Variants in PDE4D observed in about 807,000 individuals in gnomAD.
PDE4D encodes 3',5'-cyclic-AMP phosphodiesterase 4D.
Under a neutral mutation model 87.4 loss-of-function variants are expected in PDE4D, and 24 were observed. The observed-to-expected ratio is 0.27, with a 90% CI of 0.20 to 0.39. PDE4D has a LOEUF of 0.39. Among genes scored for constraint, PDE4D ranks in the 10% least tolerant of loss-of-function variants. The pLI is 1.00. For missense variants in PDE4D, 714 were observed against 1,041.0 expected, an observed-to-expected ratio of 0.69 and a Z score of 4.32; for synonymous variants, 384 against 383.2, an observed-to-expected ratio of 1.00 and a Z score of -0.02.
intron 1 of PDE4D, among the ~76,000 whole-genome samples, chr5:59,459,377 G>A (rs996245396): frequency 6.6e-6 from 1 of 152,174 alleles, no homozygotes; most frequent in African/African-American, 2.4e-5. Context: ...AGTTCCAACA[G>A]TGCTTACCTG....
rs1024959478 is a variant in PDE4D, at chr5:59,730,763, T to C, written c.455+162405A>G. Among the ~76,000 whole-genome samples the C allele has an allele frequency of 3.4e-4, 52 of 152,174 alleles. 2 individuals are homozygous for C. Among genetic ancestry groups the C allele is most frequent in the Admixed American group, 1.3e-4 (2 of 15,260 alleles). ...GATCAATTATTGTAGTCATGTGCCA[T>C]ATAGACTTTGTGTGACTAACCCCAG... On this transcript the variant is annotated intron_variant, in intron 1 of 14. Coordinates refer to ENST00000340635, the MANE Select transcript of PDE4D (RefSeq NM_001104631.2).
intron 5 of PDE4D, among the ~76,000 whole-genome samples, chr5:59,069,087 G>T (rs1406274786): frequency 6.6e-6 from 1 of 152,190 alleles, no homozygotes; most frequent in Non-Finnish European, 1.5e-5. Context: ...ATGACAAACA[G>T]ATCAGTGCAG....
chr5:60,221,981 C>T (rs1301543187), intron 1 of PDE4D, among the ~76,000 whole-genome samples: 1 of 152,126 alleles, frequency 6.6e-6, no homozygotes, highest in Non-Finnish European at 1.5e-5. Context: ...ACTCCAAAAA[C>T]AGCATGCAAT....
At chr5:60,017,954 A>G (rs1765682250) in intron 2 of PDE4D, among the ~76,000 whole-genome samples, 1 of 152,158 alleles carries the variant, frequency 6.6e-6, no homozygotes, top group South Asian at 2.1e-4. Context: ...CCTCAACAGT[A>G]TCTGTTGTTT....
At chr5:60,464,830 G>A (rs1250845670) in intron 1 of PDE4D, among the ~76,000 whole-genome samples, 1 of 152,196 alleles carries the variant, frequency 6.6e-6, no homozygotes, top group Non-Finnish European at 1.5e-5. Context: ...GGCCAGGCAT[G>A]GCAGCTCACA....
At chr5:59,726,696 T>C (rs1434792491) in intron 1 of PDE4D, among the ~76,000 whole-genome samples, 1 of 152,162 alleles carries the variant, frequency 6.6e-6, no homozygotes, top group Non-Finnish European at 1.5e-5. Flanking sequence ...AATATCGTTT[T>C]AGTTATAAAT....
At chr5:59,532,073 G>A (rs1583010449) in intron 1 of PDE4D, among the ~76,000 whole-genome samples, 1 of 152,206 alleles carries the variant, frequency 6.6e-6, no homozygotes, top group East Asian at 1.9e-4. Flanking sequence ...ATTGGATTGG[G>A]CTAATGATGT....
chr5:59,267,871 T>C (rs1763105148), intron 1 of PDE4D, among the ~76,000 whole-genome samples: 1 of 152,006 alleles, frequency 6.6e-6, no homozygotes, highest in African/African-American at 2.4e-5. Flanking sequence ...AGTAGGGAAA[T>C]GGAAGGGCTT....
intron 1 of PDE4D, among the ~76,000 whole-genome samples, chr5:59,689,502 G>C (rs298077): frequency 0.79 from 119,743 of 152,076 alleles, 47,611 homozygotes; most frequent in African/African-American, 0.9. Context: ...CAGAAAAGGC[G>C]TTTGACAAAA....
intron 2 of PDE4D, among the ~76,000 whole-genome samples, chr5:60,051,647 C>T (rs1302131292): frequency 6.6e-6 from 1 of 151,978 alleles, no homozygotes; most frequent in Non-Finnish European, 1.5e-5. Context: ...CAAGAGCAAA[C>T]AAATTCAAAA....
chr5:59,794,229 C>T (rs1409851157), intron 1 of PDE4D, among the ~76,000 whole-genome samples: 1 of 152,008 alleles, frequency 6.6e-6, no homozygotes, highest in Non-Finnish European at 1.5e-5. Flanking sequence ...CTGCAGTTGG[C>T]TTCATCTTTA....
chr5:60,193,467 G>C, intron 1 of PDE4D, among the ~76,000 whole-genome samples: 1 of 151,856 alleles, frequency 6.6e-6, no homozygotes, highest in South Asian at 2.1e-4. Flanking sequence ...TCAGGAGATC[G>C]AGACCATCCT....
chr5:59,160,360 T>C (rs62357962), intron 5 of PDE4D, among the ~76,000 whole-genome samples: 9,414 of 152,224 alleles, frequency 0.062, 312 homozygotes, highest in South Asian at 0.068. Context: ...TAACTATCTC[T>C]TCCTTTTTAT....
intron 2 of PDE4D, among the ~76,000 whole-genome samples, chr5:60,179,180 G>C (rs779063995): frequency 2.6e-5 from 4 of 152,050 alleles, no homozygotes; most frequent in African/African-American, 4.8e-5. Flanking sequence ...TGTGTGTGGC[G>C]TATGACATAT....
intron 1 of PDE4D, among the ~76,000 whole-genome samples, chr5:59,347,122 A>T (rs566964181): frequency 6.6e-6 from 1 of 152,330 alleles, no homozygotes. Flanking sequence ...ATGGGAACAC[A>T]AATCTGATTC....
chr5:59,390,032 GT>G (rs1787923185), intron 1 of PDE4D, among the ~76,000 whole-genome samples: 1 of 152,042 alleles, frequency 6.6e-6, no homozygotes, highest in South Asian at 2.1e-4. Context: ...ATCGTTTGAG[GT>G]GATGGTTATC....
chr5:59,203,622 T>TACAC (rs145207501), intron 2 of PDE4D, among the ~76,000 whole-genome samples: 2,381 of 150,104 alleles, frequency 0.016, 30 homozygotes, highest in East Asian at 0.058. Context: ...GAAAATGTTA[T>TACAC]ATACACACAC....
chr5:60,139,437 T>C (rs1266972240), intron 2 of PDE4D, among the ~76,000 whole-genome samples: 13 of 152,096 alleles, frequency 8.5e-5, no homozygotes. Context: ...GAAAATCCCT[T>C]AAAACTATTC....
chr5:59,771,499 G>GAGAAGAAAGAAAGAAAGGA (rs1554081503), intron 1 of PDE4D, among the ~76,000 whole-genome samples: 2 of 19,700 alleles, frequency 1.0e-4, no homozygotes, highest in Non-Finnish European at 2.4e-4. Flanking sequence ...GAGAGAGAGA[G>GAGAAGAAAGAAAGAAAGGA]AAGAAAGAAA....
Sources: allele counts gnomAD v4.1 joint callset (sites outside exome capture counted in the v4.1 genomes callset), GRCh38; gene constraint gnomAD v4.1.1; transcripts MANE v1.5; gene names NCBI Gene and HGNC (gene_info 2026-07-23, HGNC 2026-07-21).